DPF3: variants seen among roughly 807,000 people sequenced by gnomAD.
DPF3 encodes double PHD fingers 3.
In DPF3, 18 loss-of-function variants were observed where a neutral mutation model predicts 56.8. That is an observed-to-expected ratio of 0.32 (90% CI 0.22 to 0.47). The LOEUF is 0.47. DPF3 is among the 20% of genes least tolerant of loss of function. The pLI, the probability that DPF3 is intolerant of heterozygous loss-of-function variation, is 1.00. For synonymous variants in DPF3, 188 were observed against 180.2 expected (o/e 1.04, Z -0.35); for missense variants, 403 against 488.8 (o/e 0.82, Z 1.65).
chr14:72,701,501 C>T (rs560959080), intron 6 of DPF3, among the ~76,000 whole-genome samples: 69 of 152,312 alleles, frequency 4.5e-4, no homozygotes, highest in Admixed American at 2.6e-4. Flanking sequence ...ATTTACTGCA[C>T]GCCCCCTGCC....
At chr14:72,623,544 T>C (rs1354371202) in intron 9 of DPF3, among the ~76,000 whole-genome samples, 2 of 152,222 alleles carry the variant, frequency 1.3e-5, no homozygotes, top group African/African-American at 4.8e-5. Flanking sequence ...TTGGAATCAA[T>C]ATTCTGAGAC....
At chr14:72,774,243 G>A (rs771135796) in intron 1 of DPF3, among the ~76,000 whole-genome samples, 14 of 131,014 alleles carry the variant, frequency 1.1e-4, no homozygotes, top group African/African-American at 3.2e-4. Flanking sequence ...CAGCCTGGGC[G>A]ACAGGGTGAG....
intron 1 of DPF3, among the ~76,000 whole-genome samples, chr14:72,881,423 T>C (rs1406566936): frequency 6.6e-6 from 1 of 152,002 alleles, no homozygotes; most frequent in Admixed American, 6.6e-5. Flanking sequence ...AAGTTTCCAG[T>C]CCAAACCATC....
At chr14:72,663,659 C>T (rs1429682465) in intron 8 of DPF3, among the ~76,000 whole-genome samples, 4 of 152,192 alleles carry the variant, frequency 2.6e-5, no homozygotes, top group Non-Finnish European at 4.4e-5. Flanking sequence ...AGTACTGCCA[C>T]ATTTCACCCC....
At chr14:72,816,297 C>A (rs1464321819) in intron 1 of DPF3, among the ~76,000 whole-genome samples, 2 of 152,188 alleles carry the variant, frequency 1.3e-5, no homozygotes, top group Admixed American at 1.3e-4. Flanking sequence ...AACATCATAA[C>A]CTTAATAAGA....
At chr14:72,874,818 A>T (rs1886045968) in intron 1 of DPF3, among the ~76,000 whole-genome samples, 1 of 152,224 alleles carries the variant, frequency 6.6e-6, no homozygotes, top group African/African-American at 2.4e-5. Context: ...CCTGTTGCCC[A>T]GTTCCAAAGT....
At chr14:72,791,463 T>C (rs1230373424) in intron 1 of DPF3, among the ~76,000 whole-genome samples, 2 of 152,204 alleles carry the variant, frequency 1.3e-5, no homozygotes, top group African/African-American at 2.4e-5. Flanking sequence ...GGGAGAGCAG[T>C]GCCCTGGGGA....
intron 1 of DPF3, among the ~76,000 whole-genome samples, chr14:72,825,144 T>C (rs1864812948): frequency 6.6e-6 from 1 of 152,232 alleles, no homozygotes; most frequent in Non-Finnish European, 1.5e-5. Context: ...TGTCTCAGCC[T>C]CCCAAAGTTC....
At chr14:72,773,187 C>T (rs1891608903) in intron 1 of DPF3, among the ~76,000 whole-genome samples, 1 of 146,402 alleles carries the variant, frequency 6.8e-6, no homozygotes, top group Non-Finnish European at 1.5e-5. Context: ...GGCTGGAGTG[C>T]AACGGTGCGA....
At chr14:72,870,871 C>T (rs966058447) in intron 1 of DPF3, among the ~76,000 whole-genome samples, 3 of 152,146 alleles carry the variant, frequency 2.0e-5, no homozygotes, top group African/African-American at 7.2e-5. Context: ...GGCCAGGAGT[C>T]CAGGACCAGC....
At chr14:72,779,426 C>T (rs751656181) in intron 1 of DPF3, among the ~76,000 whole-genome samples, 10 of 152,226 alleles carry the variant, frequency 6.6e-5, no homozygotes, top group Non-Finnish European at 1.2e-4. Context: ...TTTAGTCTTT[C>T]AAACTCCTCA....
At chr14:72,650,067 C>G (rs1885859951) in intron 8 of DPF3, among the ~76,000 whole-genome samples, 1 of 152,228 alleles carries the variant, frequency 6.6e-6, no homozygotes, top group Admixed American at 6.5e-5. Flanking sequence ...ATAGACACAT[C>G]CCCACCTGTG....
intron 8 of DPF3, among the ~76,000 whole-genome samples, chr14:72,637,275 C>A (rs1221236021): frequency 6.6e-6 from 1 of 152,198 alleles, no homozygotes; most frequent in Non-Finnish European, 1.5e-5. Context: ...GGGCATACAT[C>A]ATGGTTGGTC....
chr14:72,753,406 C>A, intron 2 of DPF3, 35 bp from the exon 3 acceptor site: 2 of 1,554,836 alleles, frequency 1.3e-6, no homozygotes, highest in Middle Eastern at 3.4e-4. Flanking sequence ...TTAAAGGCTC[C>A]AGGCTGGAAG....
chr14:72,749,200 T>C (rs1486887422), intron 3 of DPF3, among the ~76,000 whole-genome samples: 2 of 152,244 alleles, frequency 1.3e-5, no homozygotes, highest in Non-Finnish European at 2.9e-5. Context: ...ACTCACCTCT[T>C]GCATCAGCAT....
At chr14:72,634,842 C>T (rs1885341340) in intron 8 of DPF3, among the ~76,000 whole-genome samples, 1 of 151,932 alleles carries the variant, frequency 6.6e-6, no homozygotes. Flanking sequence ...CTTCCCAGGC[C>T]CCCCTGGGTG....
At position 72,612,792 on chromosome 14, in the gene DPF3, A is replaced by C. The variant is rs1883819815; in HGVS notation, c.*6505T>G. ...AAAGAAGCATAGGTGAACGAAGGGA[A>C]GAGAAGGAGAGAGGTCGCGGAGCCA... On this transcript the variant is annotated 3_prime_UTR_variant, in exon 11 of 11. Coordinates refer to ENST00000556509, the MANE Select transcript of DPF3 (RefSeq NM_001280542.3). 6.6e-6 allele frequency among the ~76,000 whole-genome samples: 1 copy of C among 152,250 alleles called. No homozygotes were observed. The highest frequency in any genetic ancestry group is 2.4e-5 in the African/African-American group (1 of 41,472).
At chr14:72,836,931 G>C (rs767224785) in intron 1 of DPF3, among the ~76,000 whole-genome samples, 23 of 151,938 alleles carry the variant, frequency 1.5e-4, no homozygotes, top group Admixed American at 3.9e-4. Flanking sequence ...GTGCACTGGC[G>C]CAATCTCAGC....
intron 1 of DPF3, among the ~76,000 whole-genome samples, chr14:72,816,105 G>A (rs951402470): frequency 6.6e-6 from 1 of 152,164 alleles, no homozygotes; most frequent in Non-Finnish European, 1.5e-5. Flanking sequence ...CAAATCCAGA[G>A]TCCACGTGAG....
Sources: allele counts gnomAD v4.1 joint callset (sites outside exome capture counted in the v4.1 genomes callset), GRCh38; gene constraint gnomAD v4.1.1; transcripts MANE v1.5; gene names NCBI Gene and HGNC (gene_info 2026-07-23, HGNC 2026-07-21).